MARCHF8: variants seen among roughly 807,000 people sequenced by gnomAD.
MARCHF8 encodes the protein membrane associated ring-CH-type finger 8.
MARCHF8 carries 40 observed loss-of-function variants against 51.6 expected under a neutral mutation model. The observed-to-expected ratio is 0.77, with a 90% CI of 0.60 to 1.01. The LOEUF is 1.01. Among genes scored for constraint, MARCHF8 ranks in the 50% least tolerant of loss-of-function variants. The pLI is 0.00. For synonymous variants in MARCHF8, 263 were observed against 280.3 expected, an observed-to-expected ratio of 0.94 and a Z score of 0.62; for missense variants, 685 against 708.6, an observed-to-expected ratio of 0.97 and a Z score of 0.38.
chr10:45,476,238 T>C (rs1319786359), intron 3 of MARCHF8, among the ~76,000 whole-genome samples: 6 of 152,090 alleles, frequency 3.9e-5, no homozygotes, highest in Admixed American at 1.3e-4. Context: ...ATTTATGAAA[T>C]CCCAAAAAAA....
At chr10:45,546,826 A>C (rs1218693009) in intron 1 of MARCHF8, among the ~76,000 whole-genome samples, 1 of 152,084 alleles carries the variant, frequency 6.6e-6, no homozygotes, top group Non-Finnish European at 1.5e-5. Context: ...ATATGCAATT[A>C]CCAATAGTGA....
chr10:45,539,368 A>G (rs2044018844), upstream of MARCHF8, among the ~76,000 whole-genome samples: 1 of 152,246 alleles, frequency 6.6e-6, no homozygotes, highest in African/African-American at 2.4e-5. Context: ...AGAAAGCAGG[A>G]AAGATCTAAA....
At chr10:45,561,313 C>T (rs2044308151) in intron 1 of MARCHF8, among the ~76,000 whole-genome samples, 1 of 148,820 alleles carries the variant, frequency 6.7e-6, no homozygotes, top group Admixed American at 6.7e-5. Flanking sequence ...CTCCATCTGT[C>T]ACCCAGGCTG....
intron 6 of MARCHF8, chr10:45,460,987 A>C: frequency 5.4e-6 from 2 of 372,208 alleles, no homozygotes; most frequent in Non-Finnish European, 9.6e-6. Flanking sequence ...TGACACCGAC[A>C]AGCAAGCAGT....
chr10:45,480,647 G>A lies in MARCHF8; in HGVS notation c.153+8720C>T, dbSNP rs577811761. 2.6e-5 allele frequency among the ~76,000 whole-genome samples: 4 copies of A among 152,340 alleles called. No individual in the cohort carries two copies. In the South Asian group the frequency reaches 8.3e-4, roughly 32 times the overall value. On this transcript the variant is annotated intron_variant, in intron 3 of 7. Transcript: ENST00000453424. Reference sequence around the variant, plus strand: ...AGCCCCAAGCCTTGGCAGCTTCCATGTGGTGTTGAGCCTGCGGGTACACAA... The same window carrying A: ...AGCCCCAAGCCTTGGCAGCTTCCATATGGTGTTGAGCCTGCGGGTACACAA...
At chr10:45,511,207 T>C (rs2043494303) in intron 2 of MARCHF8, among the ~76,000 whole-genome samples, 1 of 152,252 alleles carries the variant, frequency 6.6e-6, no homozygotes, top group African/African-American at 2.4e-5. Flanking sequence ...TTTGTATTCA[T>C]TGCTGACTTT....
intron 1 of MARCHF8, among the ~76,000 whole-genome samples, chr10:45,562,378 A>G (rs1347943516): frequency 1.3e-5 from 2 of 152,228 alleles, no homozygotes; most frequent in Non-Finnish European, 2.9e-5. Context: ...AATAAAGCCA[A>G]AGAAAAGATT....
chr10:45,459,260 T>C lies in MARCHF8; in HGVS notation c.1277A>G (p.Lys426Arg), dbSNP rs1411709915. 4 of 1,613,868 alleles carry C rather than the reference T, an allele frequency of 2.5e-6. No homozygotes were observed. Among genetic ancestry groups the C allele is most frequent in the Non-Finnish European group, 3.4e-6 (4 of 1,179,936 alleles). Residue 426 changes from lysine (K) to arginine (R), a missense_variant, in exon 7 of 8, where the codon AAG becomes AGG. Lys to Arg is a conservative substitution (Grantham distance 26). Transcript: ENST00000453424. ...TKLKPLRKWE[K>R]LQMTSSERRK... ...GCGCTCGCTGGACGTCATCTGCAAC[T>C]TCTCCCACTAGAAAGACAACACAGA...
intron 1 of MARCHF8, among the ~76,000 whole-genome samples, chr10:45,557,197 G>A (rs781681757): frequency 2.9e-5 from 4 of 135,596 alleles, no homozygotes; most frequent in East Asian, 4.4e-4. Flanking sequence ...GAACAATCTC[G>A]GCTCACTGCA....
At chr10:45,580,473 C>T (rs1316696287) in intron 1 of MARCHF8, among the ~76,000 whole-genome samples, 1 of 152,204 alleles carries the variant, frequency 6.6e-6, no homozygotes, top group Non-Finnish European at 1.5e-5. Flanking sequence ...GCCTGTCTCA[C>T]TCCCTGTGCA....
chr10:45,557,879 A>G (rs574321683), intron 1 of MARCHF8, among the ~76,000 whole-genome samples: 4 of 152,314 alleles, frequency 2.6e-5, no homozygotes, highest in Admixed American at 6.5e-5. Flanking sequence ...GTACCTGGGG[A>G]AGCACTATGC....
chr10:45,483,778 G>A (rs2042931281), intron 3 of MARCHF8, among the ~76,000 whole-genome samples: 1 of 120,566 alleles, frequency 8.3e-6, no homozygotes, highest in Non-Finnish European at 1.8e-5. Flanking sequence ...CATGGATGGA[G>A]GTCATTAGCC....
intron 1 of MARCHF8, among the ~76,000 whole-genome samples, chr10:45,578,765 ACTT>A (rs1404590602): frequency 6.6e-6 from 1 of 152,168 alleles, no homozygotes; most frequent in Non-Finnish European, 1.5e-5. Context: ...AATAAAAATC[ACTT>A]TTTTGTTATC....
Position 45,463,196 on chromosome 10 carries a change from T to C in MARCHF8, c.1043A>G (p.Lys348Arg). The change falls in exon 5 of 8, where the codon AAA becomes AGA. Residue 348 changes from lysine (K) to arginine (R), a missense_variant. By Grantham distance (26) the Lys-to-Arg change is conservative. Transcript: ENST00000453424. ...GGACACGGGAGATATGGGGGGTAAT[T>C]TTTCAGAGAAGGGAGAAGGACAATC... Reference protein sequence around the residue: ...DLDCPSPFSEKLPPISPVSTS... With the variant: ...DLDCPSPFSERLPPISPVSTS... The C allele has an allele frequency of 6.4e-7, 1 of 1,550,570 alleles. No homozygotes were observed. The highest frequency in any genetic ancestry group is 8.7e-7 in the Non-Finnish European group (1 of 1,146,998).
At chr10:45,571,944 C>T (rs2044433659) in intron 1 of MARCHF8, among the ~76,000 whole-genome samples, 5 of 152,184 alleles carry the variant, frequency 3.3e-5, no homozygotes, top group Non-Finnish European at 7.3e-5. Flanking sequence ...CACGCGGGGA[C>T]ACCTACCTGA....
chr10:45,567,566 T>C (rs1035291266), intron 1 of MARCHF8, among the ~76,000 whole-genome samples: 2 of 152,202 alleles, frequency 1.3e-5, no homozygotes, highest in Non-Finnish European at 2.9e-5. Context: ...TTGGCTCCTT[T>C]GTCAAAAATG....
intron 2 of MARCHF8, among the ~76,000 whole-genome samples, chr10:45,525,398 A>G (rs1204190167): frequency 6.6e-6 from 1 of 152,224 alleles, no homozygotes; most frequent in Non-Finnish European, 1.5e-5. Flanking sequence ...GAATCCTGGG[A>G]TACAGATCAT....
chr10:45,567,736 CT>C (rs2044381061), intron 1 of MARCHF8, among the ~76,000 whole-genome samples: 3 of 152,066 alleles, frequency 2.0e-5, no homozygotes, highest in Admixed American at 1.3e-4. Context: ...CAGTCTTGTT[CT>C]TTTGCTTAGA....
At chr10:45,591,979 T>C (rs2044686338) in intron 1 of MARCHF8, among the ~76,000 whole-genome samples, 2 of 152,208 alleles carry the variant, frequency 1.3e-5, no homozygotes. Context: ...TTCCATAGCA[T>C]TTGTACCTCT....
Sources: gnomAD v4.1 joint callset for allele counts (sites outside exome capture counted in the v4.1 genomes callset) on GRCh38, gnomAD v4.1.1 for gene constraint, MANE v1.5 for transcripts, NCBI Gene and HGNC (gene_info 2026-07-23, HGNC 2026-07-21) for gene names.